The following ZNF521 variants were observed in gnomAD, a reference collection of about 807,000 sequenced individuals.
The protein encoded by ZNF521 is LYST-interacting protein 3.
A neutral mutation model predicts 105.5 loss-of-function variants in ZNF521; 14 were observed. The ratio of observed to expected loss-of-function variants is 0.13; its 90% CI spans 0.09 to 0.21. The LOEUF is 0.21. Ranked by LOEUF, ZNF521 falls within the 10% of genes least tolerant of loss-of-function variation. The probability of loss-of-function intolerance (pLI) is 1.00; values close to 1 mark genes in which losing one functional copy is unlikely to be tolerated. For missense variants in ZNF521, 1,233 were observed against 1,629.7 expected (o/e 0.76, Z 4.19); for synonymous variants, 635 against 606.0 (o/e 1.05, Z -0.70).
chr18:25,099,613 C>T (rs1049098424), intron 5 of ZNF521, among the ~76,000 whole-genome samples: 5 of 152,082 alleles, frequency 3.3e-5, no homozygotes, highest in South Asian at 2.1e-4. Context: ...GTCTCTATAC[C>T]GTACATCCAT....
chr18:25,126,913 TG>T (rs1453848215), intron 5 of ZNF521, among the ~76,000 whole-genome samples: 3 of 152,268 alleles, frequency 2.0e-5, no homozygotes, highest in African/African-American at 7.2e-5. Flanking sequence ...ATAAGCCATC[TG>T]ACCTCTCCAG....
Position 25,226,364 on chromosome 18 carries a change from G to C in ZNF521, c.1554C>G (p.Cys518Trp). The C allele has an allele frequency of 1.9e-6, 3 of 1,614,084 alleles. No individual in the cohort carries two copies. The highest frequency in any genetic ancestry group is 2.5e-6 in the Non-Finnish European group (3 of 1,179,978). Reference sequence around the variant, plus strand: ...AAGAGTCAGTGAGAAACCCCATATAGCAATGGGGACAAAAGAATGCATTAC... The same window carrying C: ...AAGAGTCAGTGAGAAACCCCATATACCAATGGGGACAAAAGAATGCATTAC... ...KDSNAFFCPH[C>W]YMGFLTDSSL... is the part of the protein sequence containing the mutation. The change falls in exon 4 of 8, where the codon TGC becomes TGG. Residue 518 changes from cysteine to tryptophan, a missense_variant. By Grantham distance (215) the Cys-to-Trp change is radical. Transcript: ENST00000361524. The surrounding 1 kb of genome is among the most constrained non-coding windows in gnomAD (Gnocchi z 4.1).
intron 7 of ZNF521, among the ~76,000 whole-genome samples, chr18:25,072,103 A>G (rs1260382182): frequency 2.6e-5 from 4 of 152,202 alleles, no homozygotes; most frequent in Non-Finnish European, 5.9e-5. Context: ...TATTTTCACC[A>G]CATTTTGCTA....
At chr18:25,207,727 T>A (rs1159615098) in intron 4 of ZNF521, among the ~76,000 whole-genome samples, 1 of 152,144 alleles carries the variant, frequency 6.6e-6, no homozygotes, top group Non-Finnish European at 1.5e-5. Flanking sequence ...ATTGCTGTTA[T>A]CAAACACACC....
At chr18:25,258,582 A>G (rs1315824809) in intron 3 of ZNF521, among the ~76,000 whole-genome samples, 1 of 152,174 alleles carries the variant, frequency 6.6e-6, no homozygotes, top group Non-Finnish European at 1.5e-5. Flanking sequence ...GCTGGAGGGA[A>G]TTTTAACTGT....
chr18:25,282,958 A>T (rs900510036), intron 3 of ZNF521, among the ~76,000 whole-genome samples: 2 of 152,220 alleles, frequency 1.3e-5, no homozygotes, highest in Admixed American at 6.5e-5. Flanking sequence ...GTTTCAGTGA[A>T]TCCTTAAAGT....
chr18:25,319,247 A>G (rs547344622), intron 3 of ZNF521, among the ~76,000 whole-genome samples: 2 of 152,338 alleles, frequency 1.3e-5, no homozygotes, highest in Admixed American at 1.3e-4. Context: ...ATAAGAAAGA[A>G]TATAACAGTA....
chr18:25,350,488 G>T (rs749381989), intron 2 of ZNF521, among the ~76,000 whole-genome samples: 1 of 152,142 alleles, frequency 6.6e-6, no homozygotes, highest in African/African-American at 2.4e-5. Flanking sequence ...CCAAAGAAAA[G>T]GAAAAAAGAA....
intron 5 of ZNF521, among the ~76,000 whole-genome samples, chr18:25,148,231 T>C (rs1368256773): frequency 6.6e-6 from 1 of 152,222 alleles, no homozygotes; most frequent in East Asian, 1.9e-4. Flanking sequence ...AGGGCATGTA[T>C]GAATGTGAAG....
chr18:25,321,607 A>T (rs1568077312), intron 3 of ZNF521, among the ~76,000 whole-genome samples: 1 of 152,244 alleles, frequency 6.6e-6, no homozygotes, highest in Non-Finnish European at 1.5e-5. Context: ...TAACTCAGGC[A>T]GAGGGAGATC....
intron 3 of ZNF521, among the ~76,000 whole-genome samples, chr18:25,300,520 CTT>C (rs1439263960): frequency 6.6e-6 from 1 of 152,122 alleles, no homozygotes; most frequent in Non-Finnish European, 1.5e-5. Context: ...CTTTCCATCT[CTT>C]ATTATTAAAA....
At chr18:25,168,686 A>G (rs913494081) in intron 5 of ZNF521, among the ~76,000 whole-genome samples, 14 of 149,586 alleles carry the variant, frequency 9.4e-5, no homozygotes, top group African/African-American at 3.3e-4. Flanking sequence ...ATACAGTAAG[A>G]ACACATTCCT....
chr18:25,183,013 G>T (rs961904305), intron 5 of ZNF521, among the ~76,000 whole-genome samples: 2 of 152,018 alleles, frequency 1.3e-5, no homozygotes, highest in East Asian at 1.9e-4. Flanking sequence ...CAGATTAAAA[G>T]AATAATTACT....
chr18:25,093,052 A>G (rs1331439410), intron 5 of ZNF521, among the ~76,000 whole-genome samples: 1 of 152,188 alleles, frequency 6.6e-6, no homozygotes, highest in Non-Finnish European at 1.5e-5. Flanking sequence ...CAGAGACACA[A>G]ATTCATTTAA....
chr18:25,167,400 ACTCCAAAAT>A (rs2035363386), intron 5 of ZNF521, among the ~76,000 whole-genome samples: 1 of 152,180 alleles, frequency 6.6e-6, no homozygotes, highest in Non-Finnish European at 1.5e-5. Flanking sequence ...AAGGTAAAAT[ACTCCAAAAT>A]GACAGAAGTG....
intron 3 of ZNF521, among the ~76,000 whole-genome samples, chr18:25,296,477 C>G (rs936355145): frequency 2.6e-5 from 4 of 152,174 alleles, no homozygotes; most frequent in African/African-American, 9.7e-5. Flanking sequence ...CTCAGTCACA[C>G]TTATTCTAAT....
At chr18:25,137,796 A>G (rs1006809294) in intron 5 of ZNF521, among the ~76,000 whole-genome samples, 1 of 152,208 alleles carries the variant, frequency 6.6e-6, no homozygotes, top group Admixed American at 6.5e-5. Context: ...ACCAAGTCCC[A>G]GAGAAAATAA....
intron 3 of ZNF521, among the ~76,000 whole-genome samples, chr18:25,251,946 A>G (rs1236097826): frequency 6.6e-6 from 1 of 152,214 alleles, no homozygotes; most frequent in Non-Finnish European, 1.5e-5. Context: ...TGATATTTAA[A>G]AATTAAATTC....
chr18:25,218,029 G>A (rs1474699140), intron 4 of ZNF521, among the ~76,000 whole-genome samples: 2 of 152,164 alleles, frequency 1.3e-5, no homozygotes, highest in African/African-American at 4.8e-5. Context: ...GTTATGTGTG[G>A]TTAATTAAAG....
Sources: allele counts gnomAD v4.1 joint callset (sites outside exome capture counted in the v4.1 genomes callset), GRCh38; gene constraint gnomAD v4.1.1; non-coding constraint Gnocchi (gnomAD v3.1); transcripts MANE v1.5; gene names NCBI Gene and HGNC (gene_info 2026-07-23, HGNC 2026-07-21).